Variants in NPAS3 observed in about 807,000 individuals in gnomAD.
NPAS3 encodes the protein neuronal PAS domain protein 3, also known as neuronal PAS domain-containing protein 3.
Under a neutral mutation model 73.1 loss-of-function variants are expected in NPAS3, and 14 were observed. The observed-to-expected ratio is 0.19, with a 90% CI of 0.13 to 0.30. The LOEUF (loss-of-function observed/expected upper bound fraction) is 0.30, where lower values mean the gene tolerates loss of function less well. NPAS3 is among the 10% of genes least tolerant of loss of function. The probability of loss-of-function intolerance (pLI) is 1.00; values close to 1 mark genes in which losing one functional copy is unlikely to be tolerated. For missense variants in NPAS3, 1,096 were observed against 1,250.0 expected, an observed-to-expected ratio of 0.88 and a Z score of 1.86; for synonymous variants, 620 against 541.5, an observed-to-expected ratio of 1.14 and a Z score of -2.01.
chr14:33,369,308 G>A lies in NPAS3; in HGVS notation c.468+2040G>A, dbSNP rs549613502. ...GTGAGTAAACTAGAAATCATATTAC[G>A]TGAAGAGTGGCAAAAGGCCTGAGAA... On this transcript the variant is annotated intron_variant, in intron 4 of 11. Transcript: ENST00000356141. 2.4e-3 allele frequency among the ~76,000 whole-genome samples: 354 copies of A among 146,946 alleles called. 3 individuals carry two copies. The highest frequency in any genetic ancestry group is 0.014 in the South Asian group (63 of 4,666).
chr14:33,627,290 G>A (rs2140119738), intron 5 of NPAS3, among the ~76,000 whole-genome samples: 1 of 152,092 alleles, frequency 6.6e-6, no homozygotes, highest in Middle Eastern at 3.4e-3. Context: ...TTAGTCTATG[G>A]TACTGAATAA....
At chr14:33,634,451 T>C (rs1028100050) in intron 5 of NPAS3, among the ~76,000 whole-genome samples, 1 of 152,124 alleles carries the variant, frequency 6.6e-6, no homozygotes, top group Non-Finnish European at 1.5e-5. Flanking sequence ...ATGTGGAGGA[T>C]AGATTTTTGA....
At chr14:32,937,955 A>G (rs2035751874), upstream of NPAS3, among the ~76,000 whole-genome samples, 1 of 152,178 alleles carries the variant, frequency 6.6e-6, no homozygotes, top group Non-Finnish European at 1.5e-5. Context: ...TGCACTGAGT[A>G]GCCAGCCTTT....
chr14:33,296,346 A>T lies in NPAS3; in HGVS notation c.386-70840A>T, dbSNP rs147608774. ...TGTACACACATCTACCCCAATAAAC[A>T]CACATACACGGCCACCTTACTCAGT... On this transcript the variant is annotated intron_variant, in intron 3 of 11. Transcript: ENST00000356141. Among the ~76,000 whole-genome samples, 912 of 152,334 alleles carry T rather than the reference A, an allele frequency of 6.0e-3. 13 individuals are homozygous for T. The highest frequency in any genetic ancestry group is 0.02 in the African/African-American group (836 of 41,580).
intron 2 of NPAS3, among the ~76,000 whole-genome samples, chr14:33,192,034 TC>T (rs1566658632): frequency 1.3e-5 from 2 of 152,258 alleles, no homozygotes; most frequent in East Asian, 3.9e-4. Context: ...AACTTCCACA[TC>T]CTTTCTTCCC....
At position 33,617,896 on chromosome 14, in the gene NPAS3, T is replaced by G. The variant is rs138144916; in HGVS notation, c.558+57686T>G. ...TCTCTGGCAATATCCTCAAGATTAC[T>G]GAGCAGTTAAAGAAAAAAAAAATGG... On this transcript the variant is annotated intron_variant, in intron 5 of 11. Coordinates refer to ENST00000356141, the Ensembl canonical transcript of NPAS3. 3.8e-3 allele frequency among the ~76,000 whole-genome samples: 575 copies of G among 152,036 alleles called. 5 individuals are homozygous for G. The highest frequency in any genetic ancestry group is 0.014 in the African/African-American group (569 of 41,440).
At chr14:33,754,935 C>T (rs762622878) in intron 7 of NPAS3, among the ~76,000 whole-genome samples, 1 of 152,154 alleles carries the variant, frequency 6.6e-6, no homozygotes, top group Admixed American at 6.5e-5. Context: ...ACCATGGACA[C>T]AGCAGGACAA....
chr14:33,387,563 C>T (rs1160809431), intron 4 of NPAS3, among the ~76,000 whole-genome samples: 1 of 152,014 alleles, frequency 6.6e-6, no homozygotes, highest in African/African-American at 2.4e-5. Flanking sequence ...CTCACACATC[C>T]AGATGTAGAA....
chr14:33,303,284 A>G (rs12897225), intron 3 of NPAS3, among the ~76,000 whole-genome samples: 92,881 of 151,848 alleles, frequency 0.61, 28,936 homozygotes, highest in Non-Finnish European at 0.68. Flanking sequence ...ATGTAAAAGG[A>G]CAGCCAATTA....
intron 4 of NPAS3, among the ~76,000 whole-genome samples, chr14:33,503,674 G>A (rs1224063600): frequency 6.6e-6 from 1 of 151,924 alleles, no homozygotes; most frequent in African/African-American, 2.4e-5. Context: ...AAAACTGCAT[G>A]TTCTAGAGAG....
chr14:33,052,711 C>A (rs1045647632), intron 1 of NPAS3, among the ~76,000 whole-genome samples: 3 of 152,160 alleles, frequency 2.0e-5, no homozygotes, highest in Admixed American at 6.6e-5. Context: ...AGGAAATAAT[C>A]CCCTTTGCTA....
chr14:33,108,726 C>G (rs1490040704), intron 2 of NPAS3, among the ~76,000 whole-genome samples: 1 of 152,116 alleles, frequency 6.6e-6, no homozygotes, highest in African/African-American at 2.4e-5. Flanking sequence ...TTTGAAAACT[C>G]TGTGTTGAAT....
chr14:33,716,253 G>T (rs568835503), intron 6 of NPAS3, among the ~76,000 whole-genome samples: 5 of 152,278 alleles, frequency 3.3e-5, no homozygotes, highest in African/African-American at 1.2e-4. Flanking sequence ...TCAATAATTG[G>T]AATATGGTAC....
intron 4 of NPAS3, among the ~76,000 whole-genome samples, chr14:33,469,999 C>T (rs1261018693): frequency 6.6e-6 from 1 of 152,124 alleles, no homozygotes; most frequent in African/African-American, 2.4e-5. Context: ...CAGCCACACT[C>T]CAACATATTT....
chr14:33,287,442 G>A (rs1280913983), intron 3 of NPAS3, among the ~76,000 whole-genome samples: 1 of 152,156 alleles, frequency 6.6e-6, no homozygotes, highest in African/African-American at 2.4e-5. Context: ...TGAGCAGGAA[G>A]CGAGAAAGAG....
At chr14:33,277,182 C>T (rs1304310933) in intron 3 of NPAS3, among the ~76,000 whole-genome samples, 5 of 152,024 alleles carry the variant, frequency 3.3e-5, no homozygotes, top group Non-Finnish European at 5.9e-5. Context: ...AAAAGAAAGA[C>T]CCTTATTTCT....
intron 4 of NPAS3, among the ~76,000 whole-genome samples, chr14:33,444,831 T>C (rs10133550): frequency 0.21 from 32,405 of 152,282 alleles, 4,075 homozygotes; most frequent in East Asian, 0.54. Context: ...AGGCAGGAAT[T>C]TATCAGATGC....
chr14:33,581,719 C>G lies in NPAS3; in HGVS notation c.558+21509C>G, dbSNP rs79420614. On this transcript the variant is annotated intron_variant, in intron 5 of 11. Coordinates refer to ENST00000356141, the Ensembl canonical transcript of NPAS3. ...CCCAAGTAGCTGGGACTATAGGTGT[C>G]TGCCACCCTACCTGGATAATTTTTT... Among the ~76,000 whole-genome samples, 2,016 of 152,222 alleles carry G rather than the reference C, an allele frequency of 0.013. 107 individuals are homozygous for G. The East Asian group carries it at 0.2, about 15-fold the overall frequency.
rs9671276 is a variant in NPAS3, at chr14:33,571,230, A to G, written c.558+11020A>G. On this transcript the variant is annotated intron_variant, in intron 5 of 11. Transcript: ENST00000356141. ...TCTTGCCGCTGCTGCTAGTCAGGCC[A>G]GTGACCTTGGAGCAGCTTGAATCTT... Among the ~76,000 whole-genome samples the G allele has an allele frequency of 4.0e-3, 608 of 152,278 alleles. 9 individuals are homozygous for G. Among genetic ancestry groups the G allele is most frequent in the African/African-American group, 0.014 (580 of 41,562 alleles).
Sources: gnomAD v4.1 joint callset for allele counts (sites outside exome capture counted in the v4.1 genomes callset) on GRCh38, gnomAD v4.1.1 for gene constraint, MANE v1.5 for transcripts, NCBI Gene and HGNC (gene_info 2026-07-23, HGNC 2026-07-21) for gene names.